Variants in XPA observed in about 807,000 individuals in gnomAD.
XPA encodes DNA repair protein complementing XP-A cells.
A neutral mutation model predicts 35.7 loss-of-function variants in XPA; 27 were observed. The ratio of observed to expected loss-of-function variants is 0.76; its 90% CI spans 0.56 to 1.04. The LOEUF (loss-of-function observed/expected upper bound fraction) is 1.04, where lower values mean the gene tolerates loss of function less well. Ranked by LOEUF, XPA falls within the 50% of genes least tolerant of loss-of-function variation. The pLI, the probability that XPA is intolerant of heterozygous loss-of-function variation, is 0.00. For synonymous variants in XPA, 133 were observed against 118.4 expected, an observed-to-expected ratio of 1.12 and a Z score of -0.80; for missense variants, 354 against 342.7, an observed-to-expected ratio of 1.03 and a Z score of -0.26.
chr9:97,681,492 C>G (rs1372671147), intron 5 of XPA, among the ~76,000 whole-genome samples: 2 of 152,086 alleles, frequency 1.3e-5, no homozygotes, highest in Admixed American at 1.3e-4. Context: ...TAAGAGATTT[C>G]TTACCTACCT....
downstream of XPA, among the ~76,000 whole-genome samples, chr9:97,673,955 C>T (rs1479352831): frequency 6.6e-6 from 1 of 152,164 alleles, no homozygotes; most frequent in African/African-American, 2.4e-5. Flanking sequence ...AATACATGCT[C>T]ATTAACTAGT....
At chr9:97,669,989 C>T, downstream of XPA, 1 of 446,552 alleles carries the variant, frequency 2.2e-6, no homozygotes, top group Non-Finnish European at 4.1e-6. Context: ...GTGACACGAT[C>T]TCAGCTCACT....
downstream of XPA, chr9:97,672,724 A>G: frequency 5.6e-6 from 1 of 180,110 alleles, no homozygotes; most frequent in Middle Eastern, 2.4e-3. Context: ...CAGCCTGCTC[A>G]ACGTGAAGAT....
At chr9:97,654,972 G>C in the XPA span, 1 of 1,506,760 alleles carries the variant, frequency 6.6e-7, no homozygotes, top group East Asian at 2.5e-5. Flanking sequence ...CTGCTGAGCT[G>C]AGTTAGCAGC....
At chr9:97,658,515 C>T in the XPA span, 43 of 702,296 alleles carry the variant, frequency 6.1e-5, no homozygotes, top group Middle Eastern at 5.0e-4. Flanking sequence ...TTTTTTTTCC[C>T]TTTCACTTCT....
intron 4 of XPA, among the ~76,000 whole-genome samples, 160 bp from the exon 5 acceptor site, chr9:97,685,200 A>C (rs1467011383): frequency 1.3e-5 from 2 of 152,218 alleles, no homozygotes; most frequent in Non-Finnish European, 2.9e-5. Flanking sequence ...TAATGATCAG[A>C]AACAACTCTA....
chr9:97,666,607 A>T, the XPA span, among the ~76,000 whole-genome samples: 5 of 152,322 alleles, frequency 3.3e-5, no homozygotes, highest in East Asian at 9.7e-4. Context: ...ACAATAAAAG[A>T]CCAATTTGTA....
intron 5 of XPA, among the ~76,000 whole-genome samples, chr9:97,684,443 C>T (rs1484449295): frequency 6.6e-6 from 1 of 152,214 alleles, no homozygotes; most frequent in Non-Finnish European, 1.5e-5. Flanking sequence ...CTGCCAATAA[C>T]TATCTACATA....
Position 97,675,050 on chromosome 9 carries a change from T to C in XPA, c.*389A>G. 1.9e-6 allele frequency: 1 copy of C among 531,438 alleles called. No individual in the cohort carries two copies. Among genetic ancestry groups the C allele is most frequent in the South Asian group, 1.5e-5 (1 of 65,160 alleles). 32.9% of individuals were successfully genotyped at this position (531,438 alleles called of 1,614,324 possible). A position where few individuals can be genotyped will look rare whatever the true frequency, so the allele number is the denominator to read the frequency against. ...CCTGGGGTACAGTGGTGCACCACCA[T>C]TGCTATTATTTGTTTCTTGGTTAAG... On this transcript the variant is annotated 3_prime_UTR_variant, in exon 6 of 6. Coordinates refer to ENST00000375128, the MANE Select transcript of XPA (RefSeq NM_000380.4).
Position 97,697,058 on chromosome 9 carries a change from G to T in XPA, c.172+63C>A, listed in dbSNP as rs1001178391. On this transcript the variant is annotated intron_variant, in intron 1 of 5. Coordinates refer to ENST00000375128, the MANE Select transcript of XPA (RefSeq NM_000380.4). ...CCGGGCCCCGGGACTCGGCTTGCAC[G>T]AGCCAGTCTGGGGACCGGGGAGGCG... 5.4e-6 allele frequency: 8 copies of T among 1,476,928 alleles called. No homozygotes were observed. The East Asian group carries it at 1.8e-4, about 34-fold the overall frequency. The allele number at this position is 1,476,928 out of a possible 1,614,324, so 91.5% of individuals were successfully genotyped here. A position where few individuals can be genotyped will look rare whatever the true frequency, so the allele number is the denominator to read the frequency against.
At chr9:97,687,308 G>C in intron 3 of XPA, 47 bp from the exon 4 acceptor site, 1 of 1,512,244 alleles carries the variant, frequency 6.6e-7, no homozygotes, top group Non-Finnish European at 8.9e-7. Context: ...TTTTAAATAA[G>C]CTAAGTTTGC....
intron 5 of XPA, among the ~76,000 whole-genome samples, chr9:97,684,682 T>C (rs1342767115): frequency 6.6e-6 from 1 of 152,164 alleles, no homozygotes; most frequent in African/African-American, 2.4e-5. Flanking sequence ...ATTGTTCCTA[T>C]ATAAAAACAT....
the XPA span, among the ~76,000 whole-genome samples, chr9:97,656,698 C>T: frequency 6.6e-6 from 1 of 152,166 alleles, no homozygotes; most frequent in Middle Eastern, 3.2e-3. Context: ...ATGCTCACTC[C>T]CTTTTCGTCT....
At chr9:97,658,739 T>C in the XPA span, 14 of 1,591,922 alleles carry the variant, frequency 8.8e-6, no homozygotes, top group African/African-American at 1.3e-4. Context: ...GAGATGAAAG[T>C]AGCAGTAAGT....
intron 4 of XPA, 135 bp from the exon 5 acceptor site, chr9:97,685,175 A>G (rs1318980061): frequency 1.5e-6 from 1 of 657,302 alleles, no homozygotes; most frequent in African/African-American, 1.8e-5. Context: ...TTAGAAATTT[A>G]AAGATTTTAA....
downstream of XPA, chr9:97,671,618 A>C (rs1265593099): frequency 6.5e-6 from 1 of 153,544 alleles, no homozygotes; most frequent in Non-Finnish European, 1.4e-5. Context: ...TAAAACTAAA[A>C]GTATGGTTTT....
chr9:97,659,137 T>C, the XPA span, among the ~76,000 whole-genome samples: 1 of 152,260 alleles, frequency 6.6e-6, no homozygotes, highest in Non-Finnish European at 1.5e-5. Flanking sequence ...AAGTAAATTC[T>C]TAATTATGAT....
chr9:97,680,192 C>G (rs373312209), intron 5 of XPA, among the ~76,000 whole-genome samples: 22 of 152,188 alleles, frequency 1.4e-4, no homozygotes, highest in Middle Eastern at 3.4e-3. Flanking sequence ...TGTTCTTTAG[C>G]TATGTAGAAG....
At chr9:97,663,816 A>G in the XPA span, among the ~76,000 whole-genome samples, 3 of 151,858 alleles carry the variant, frequency 2.0e-5, no homozygotes, top group Non-Finnish European at 4.4e-5. Flanking sequence ...GTTACCATTC[A>G]GAGTTTTTGT....
Sources: gnomAD v4.1 joint callset for allele counts (sites outside exome capture counted in the v4.1 genomes callset) on GRCh38, gnomAD v4.1.1 for gene constraint, MANE v1.5 for transcripts, NCBI Gene and HGNC (gene_info 2026-07-23, HGNC 2026-07-21) for gene names.